The following TMC5 variants were observed in gnomAD, a reference collection of about 807,000 sequenced individuals.
The protein encoded by TMC5 is transmembrane channel like 5, also known as transmembrane channel-like protein 5.
Under a neutral mutation model 110.5 loss-of-function variants are expected in TMC5, and 86 were observed. The ratio of observed to expected loss-of-function variants is 0.78; its 90% confidence interval spans 0.65 to 0.93. The LOEUF (loss-of-function observed/expected upper bound fraction) is 0.93. Among genes scored for constraint, TMC5 ranks in the 40% least tolerant of loss-of-function variants. TMC5 has a pLI of 0.00. For missense variants in TMC5, 1,144 were observed against 1,222.8 expected (o/e 0.94, Z 0.96); for synonymous variants, 455 against 439.5 (o/e 1.04, Z -0.44).
intron 15 of TMC5, 49 bp from the exon 16 acceptor site, chr16:19,486,896 C>T: frequency 6.5e-7 from 1 of 1,533,482 alleles, no homozygotes. Flanking sequence ...TTCACCCCGA[C>T]TCCTTGTGTC....
At chr16:19,497,040 C>A in intron 20 of TMC5, 81 bp from the exon 21 acceptor site, 1 of 1,467,894 alleles carries the variant, frequency 6.8e-7, no homozygotes, top group Non-Finnish European at 9.5e-7. Flanking sequence ...GAGGGGCTCA[C>A]AAATTGTGCC....
At chr16:19,458,012 G>A (rs886076781) in intron 5 of TMC5, among the ~76,000 whole-genome samples, 1 of 151,458 alleles carries the variant, frequency 6.6e-6, no homozygotes, top group Admixed American at 6.6e-5. Flanking sequence ...ACGGGTGTAA[G>A]CCACCACATC....
intron 11 of TMC5, 149 bp from the exon 12 acceptor site, chr16:19,473,976 T>A: frequency 1.4e-6 from 1 of 692,052 alleles, no homozygotes; most frequent in Non-Finnish European, 2.2e-6. Context: ...TGAGACTCCA[T>A]CTCAAAAAAA....
chr16:19,461,503 G>A (rs532637837), intron 6 of TMC5, among the ~76,000 whole-genome samples: 40 of 152,194 alleles, frequency 2.6e-4, no homozygotes, highest in Non-Finnish European at 5.6e-4. Context: ...GAACCTGGAA[G>A]GCAGAGGTTT....
chr16:19,447,970 C>T (rs1275892307), intron 4 of TMC5, among the ~76,000 whole-genome samples: 1 of 151,954 alleles, frequency 6.6e-6, no homozygotes, highest in African/African-American at 2.4e-5. Context: ...GCAAGAAGCT[C>T]CAGAAGGTCT....
At chr16:19,453,798 C>T (rs761796230) in intron 5 of TMC5, among the ~76,000 whole-genome samples, 2 of 151,954 alleles carry the variant, frequency 1.3e-5, no homozygotes, top group African/African-American at 2.4e-5. Context: ...CAAAAGATAG[C>T]CTGATAAAGT....
chr16:19,496,971 A>G lies in TMC5; in HGVS notation c.2932-150A>G, dbSNP rs567601979. 80 of 638,998 alleles carry G rather than the reference A, an allele frequency of 1.3e-4. 1 individual carries two copies. Among genetic ancestry groups the G allele is most frequent in the Non-Finnish European group, 1.9e-4 (69 of 364,118 alleles). The allele number at this position is 638,998 out of a possible 1,614,324, so 39.6% of individuals were successfully genotyped here. A position where few individuals can be genotyped will look rare whatever the true frequency, so the allele number is the denominator to read the frequency against. ...CTCCCTAAAAAACAAAACATGTTCAATATTTCTATGGCGGAGACTTGGCCT... is the reference window on the plus strand; with the variant it reads ...CTCCCTAAAAAACAAAACATGTTCAGTATTTCTATGGCGGAGACTTGGCCT... On this transcript the variant is annotated intron_variant, in intron 20 of 21. Coordinates refer to ENST00000542583, the MANE Select transcript of TMC5 (RefSeq NM_001261841.2).
intron 3 of TMC5, among the ~76,000 whole-genome samples, chr16:19,443,207 G>A (rs990530925): frequency 3.9e-5 from 6 of 152,156 alleles, no homozygotes; most frequent in African/African-American, 1.4e-4. Flanking sequence ...CAAACCTTCA[G>A]AACTTCTGAT....
chr16:19,482,002 C>T (rs1317489758), intron 15 of TMC5, among the ~76,000 whole-genome samples: 1 of 152,186 alleles, frequency 6.6e-6, no homozygotes, highest in Non-Finnish European at 1.5e-5. Context: ...CTACCAGCAC[C>T]TTGATCTTGG....
chr16:19,416,859 C>T (rs996875780), upstream of TMC5, among the ~76,000 whole-genome samples: 8 of 152,000 alleles, frequency 5.3e-5, no homozygotes, highest in Admixed American at 3.9e-4. Flanking sequence ...TTTGGCAGGC[C>T]GAGACAGGTG....
chr16:19,477,364 C>A, intron 12 of TMC5, 76 bp from the exon 13 acceptor site: 1 of 1,103,884 alleles, frequency 9.1e-7, no homozygotes, highest in Non-Finnish European at 1.4e-6. Context: ...TTACCATGTG[C>A]CCCAAAGGAG....
chr16:19,495,032 T>TTTTTTTTTTTTA (rs1969017921), intron 20 of TMC5, among the ~76,000 whole-genome samples: 1 of 22,208 alleles, frequency 4.5e-5, no homozygotes, highest in African/African-American at 8.7e-5. Flanking sequence ...TTTTTTTTTT[T>TTTTTTTTTTTTA]GAGACGGAGT....
upstream of TMC5, among the ~76,000 whole-genome samples, chr16:19,414,255 A>C (rs1966866121): frequency 6.6e-6 from 1 of 151,550 alleles, no homozygotes; most frequent in Non-Finnish European, 1.5e-5. Flanking sequence ...CCTCTTTCTC[A>C]CTTCCCAAAC....
chr16:19,469,888 T>A, intron 10 of TMC5, 63 bp downstream of exon 10: 1 of 1,536,434 alleles, frequency 6.5e-7, no homozygotes, highest in Non-Finnish European at 8.8e-7. Context: ...CCAGTATACC[T>A]GTAACTTTTC....
chr16:19,412,316 C>T (rs773424339), intron 1 of TMC5, among the ~76,000 whole-genome samples: 9 of 152,046 alleles, frequency 5.9e-5, no homozygotes, highest in Non-Finnish European at 1.2e-4. Context: ...AAAAGATCCT[C>T]CTGCCTCAGC....
At chr16:19,478,179 C>A (rs1968533342) in intron 13 of TMC5, among the ~76,000 whole-genome samples, 1 of 152,160 alleles carries the variant, frequency 6.6e-6, no homozygotes, top group African/African-American at 2.4e-5. Flanking sequence ...TGAGAATGTG[C>A]CTTCACATCA....
chr16:19,497,123 A>T lies in TMC5; in HGVS notation c.2934A>T (p.Gln978His). 1 of 1,614,046 alleles carries T rather than the reference A, an allele frequency of 6.2e-7. No homozygotes were observed. The highest frequency in any genetic ancestry group is 8.5e-7 in the Non-Finnish European group (1 of 1,179,984). Residue 978 changes from glutamine (Q) to histidine (H), a missense_variant and splice_region_variant, in exon 21 of 22, where the codon CAA (glutamine) becomes CAT (histidine). Transcript: ENST00000542583. ...SLVLERREVE[Q>H]QGFLHLGEHD... ...CTGCTTGTTTTTTTCTTTTTCAGCA[A>T]CAAGGCTTTTTGCATTTGGGGGAAC...
At chr16:19,472,436 C>T (rs1031087878) in intron 11 of TMC5, among the ~76,000 whole-genome samples, 193 bp downstream of exon 11, 7 of 151,934 alleles carry the variant, frequency 4.6e-5, no homozygotes, top group Non-Finnish European at 8.8e-5. Flanking sequence ...TCTGGGAGGC[C>T]GAGGCAGGAG....
intron 4 of TMC5, 124 bp downstream of exon 4, chr16:19,444,374 C>T: frequency 1.2e-6 from 1 of 812,350 alleles, no homozygotes; most frequent in Non-Finnish European, 1.9e-6. Context: ...CTCAGAGACC[C>T]TTGTTTTTAC....
Sources: gnomAD v4.1 joint callset for allele counts (sites outside exome capture counted in the v4.1 genomes callset) on GRCh38, gnomAD v4.1.1 for gene constraint, MANE v1.5 for transcripts, NCBI Gene and HGNC (gene_info 2026-07-23, HGNC 2026-07-21) for gene names.